PDE7A: variants seen among roughly 807,000 people sequenced by gnomAD.
The protein encoded by PDE7A is high affinity 3',5'-cyclic-AMP phosphodiesterase 7A.
Under a neutral mutation model 64.3 loss-of-function variants are expected in PDE7A, and 39 were observed. That is an observed-to-expected ratio of 0.61 (90% CI 0.47 to 0.79). PDE7A has a LOEUF of 0.79. PDE7A is among the 30% of genes least tolerant of loss of function. The pLI, the probability that PDE7A is intolerant of heterozygous loss-of-function variation, is 0.00. For missense variants in PDE7A, 470 were observed against 582.8 expected, an observed-to-expected ratio of 0.81 and a Z score of 1.99; for synonymous variants, 203 against 206.8, an observed-to-expected ratio of 0.98 and a Z score of 0.16.
At chr8:65,834,320 A>G (rs1054100484) in intron 1 of PDE7A, among the ~76,000 whole-genome samples, 5 of 152,134 alleles carry the variant, frequency 3.3e-5, no homozygotes, top group Admixed American at 6.5e-5. Flanking sequence ...AGCTTGCTTT[A>G]TTGTAAGACA....
intron 3 of PDE7A, among the ~76,000 whole-genome samples, chr8:65,757,777 C>T (rs1212283717): frequency 3.3e-5 from 5 of 152,100 alleles, no homozygotes; most frequent in African/African-American, 1.2e-4. Flanking sequence ...TGCCACCACG[C>T]CCGGCTAACT....
At chr8:65,800,576 T>C (rs1460318019) in intron 1 of PDE7A, among the ~76,000 whole-genome samples, 1 of 152,202 alleles carries the variant, frequency 6.6e-6, no homozygotes, top group Non-Finnish European at 1.5e-5. Context: ...CTTAGCACTC[T>C]GCAGTAAACA....
At position 65,727,263 on chromosome 8, in the gene PDE7A, G is replaced by C; in HGVS notation, c.735C>G (p.Ser245Arg). The C allele has an allele frequency of 6.2e-7, 1 of 1,613,542 alleles. No homozygotes were observed. Among genetic ancestry groups the C allele is most frequent in the East Asian group, 2.2e-5 (1 of 44,864 alleles). Residue 245 changes from serine (S) to arginine (R), a missense_variant, in exon 8 of 13, where the codon AGC (serine) becomes AGG (arginine). By Grantham distance (110) the Ser-to-Arg change is moderately radical. Transcript: ENST00000401827. The part of the protein sequence containing the change: ...NSVTPWDILL[S>R]LIAAATHDLD... ...GATCATGAGTGGCAGCTGCAATTAA[G>C]CTCAGCAAGATATCCCAAGGAGTTA...
intron 3 of PDE7A, among the ~76,000 whole-genome samples, chr8:65,778,334 G>A (rs1207667148): frequency 6.6e-6 from 1 of 152,260 alleles, no homozygotes; most frequent in East Asian, 1.9e-4. Flanking sequence ...TGCCATTTAT[G>A]GAGAGAGAAA....
intron 3 of PDE7A, among the ~76,000 whole-genome samples, chr8:65,778,831 A>T (rs933452652): frequency 6.6e-6 from 1 of 152,238 alleles, no homozygotes; most frequent in African/African-American, 2.4e-5. Context: ...GGTGAGTGAG[A>T]TATTTCAAAG....
chr8:65,817,507 G>A (rs964652027), intron 1 of PDE7A, among the ~76,000 whole-genome samples: 4 of 152,018 alleles, frequency 2.6e-5, no homozygotes, highest in East Asian at 1.9e-4. Flanking sequence ...TTCAATACAC[G>A]ATGCCACATT....
Position 65,841,978 on chromosome 8 carries a change from C to A in PDE7A, c.-470G>T. On this transcript the variant is annotated 5_prime_UTR_variant, in exon 1 of 13. Transcript: ENST00000401827. ...GACCAGCTCGGGCCGCCGCCGCCGC[C>A]GCCGCCGCCGCCGCCGGAGTCCTGC... is the stretch of plus-strand genomic sequence containing the variant. The A allele has an allele frequency of 3.9e-6, 1 of 258,884 alleles. No homozygotes were observed. The highest frequency in any genetic ancestry group is 3.7e-5 in the South Asian group (1 of 26,908). The allele number at this position is 258,884 out of a possible 1,614,324, so 16.0% of individuals were successfully genotyped here.
intron 1 of PDE7A, among the ~76,000 whole-genome samples, chr8:65,788,145 T>A (rs1809610224): frequency 6.6e-6 from 1 of 152,088 alleles, no homozygotes; most frequent in African/African-American, 2.4e-5. Context: ...GCCTTAAAAA[T>A]TCAGTTTCTC....
intron 2 of PDE7A, among the ~76,000 whole-genome samples, chr8:65,782,559 T>C (rs1193357946): frequency 1.3e-5 from 2 of 152,236 alleles, no homozygotes; most frequent in Non-Finnish European, 2.9e-5. Flanking sequence ...AATGACAGTG[T>C]CCCAGTTATT....
At chr8:65,770,033 C>T (rs910842483) in intron 3 of PDE7A, among the ~76,000 whole-genome samples, 8 of 151,914 alleles carry the variant, frequency 5.3e-5, no homozygotes, top group African/African-American at 1.2e-4. Flanking sequence ...AAAACACATA[C>T]AAAAAGTTAC....
rs1806187304 is a variant in PDE7A, at chr8:65,717,442, C to T, written c.*1848G>A. On this transcript the variant is annotated 3_prime_UTR_variant, in exon 13 of 13. Transcript: ENST00000401827. ...TGCTGATGTCTTATGCAGTTCACCA[C>T]TGTAGGAACAAAAGGCCTGGCTCAA... 1 of 152,222 alleles carries T rather than the reference C, an allele frequency of 6.6e-6. No homozygotes were observed. The highest frequency in any genetic ancestry group is 1.5e-5 in the Non-Finnish European group (1 of 68,040). The allele number at this position is 152,222 out of a possible 1,614,324, so 9.4% of individuals were successfully genotyped here. A position where few individuals can be genotyped will look rare whatever the true frequency, so the allele number is the denominator to read the frequency against.
rs551343082 is a variant in PDE7A, at chr8:65,721,783, A to G, written c.1243+1758T>C. ...TACCGATTCACCTGTCTTCGATTCAATTCTCTTTTGTCCATTTTTTTTTTT... is the reference window on the plus strand; with the variant it reads ...TACCGATTCACCTGTCTTCGATTCAGTTCTCTTTTGTCCATTTTTTTTTTT... On this transcript the variant is annotated intron_variant, in intron 12 of 12. Coordinates refer to ENST00000401827, the MANE Select transcript of PDE7A (RefSeq NM_001242318.3). The G allele has an allele frequency of 3.1e-4, 47 of 151,050 alleles. 1 individual carries two copies. Among genetic ancestry groups the G allele is most frequent in the African/African-American group, 8.3e-4 (34 of 41,162 alleles). The allele number at this position is 151,050 out of a possible 1,614,324, so 9.4% of individuals were successfully genotyped here. A position where few individuals can be genotyped will look rare whatever the true frequency, so the allele number is the denominator to read the frequency against.
chr8:65,755,326 T>G (rs891699636), intron 3 of PDE7A, among the ~76,000 whole-genome samples: 1 of 152,170 alleles, frequency 6.6e-6, no homozygotes, highest in Non-Finnish European at 1.5e-5. Context: ...CGGCCCATTA[T>G]TGCCTTTTTA....
rs1585919727 is a variant in PDE7A, at chr8:65,789,041, G to C, written c.139-6198C>G. On this transcript the variant is annotated intron_variant, in intron 1 of 12. Coordinates refer to ENST00000401827, the MANE Select transcript of PDE7A (RefSeq NM_001242318.3). ...AAATACCAGCTGTCCCGAGGCAAAA[G>C]AGAGGGGACACTGACTGCCTTGGAC... is the stretch of plus-strand genomic sequence containing the variant. The C allele has an allele frequency of 1.2e-5, 18 of 1,526,702 alleles. No individual in the cohort carries two copies. The South Asian group carries it at 2.1e-4, about 18-fold the overall frequency. The allele number at this position is 1,526,702 out of a possible 1,614,324, so 94.6% of individuals were successfully genotyped here. A position where few individuals can be genotyped will look rare whatever the true frequency, so the allele number is the denominator to read the frequency against.
At chr8:65,772,752 C>G (rs1809143580) in intron 3 of PDE7A, among the ~76,000 whole-genome samples, 1 of 152,122 alleles carries the variant, frequency 6.6e-6, no homozygotes, top group South Asian at 2.1e-4. Context: ...GCCTGTAATC[C>G]CAGCACTTTG....
At chr8:65,836,324 G>C (rs995452203) in intron 1 of PDE7A, among the ~76,000 whole-genome samples, 4 of 152,196 alleles carry the variant, frequency 2.6e-5, no homozygotes, top group African/African-American at 9.7e-5. Flanking sequence ...AATACAAATA[G>C]CACAAGCAAT....
At chr8:65,796,307 G>A (rs542985073) in intron 1 of PDE7A, among the ~76,000 whole-genome samples, 38 of 151,690 alleles carry the variant, frequency 2.5e-4, no homozygotes, top group African/African-American at 8.2e-4. Flanking sequence ...CAGGTTAAAC[G>A]AACTCCAAAC....
chr8:65,763,336 C>T (rs550028178), intron 3 of PDE7A, among the ~76,000 whole-genome samples: 4 of 152,058 alleles, frequency 2.6e-5, no homozygotes, highest in South Asian at 2.1e-4. Context: ...GAGGCTGAGG[C>T]GGGTGGATCA....
intron 1 of PDE7A, among the ~76,000 whole-genome samples, chr8:65,810,838 G>A (rs1810243284): frequency 6.6e-6 from 1 of 152,088 alleles, no homozygotes; most frequent in African/African-American, 2.4e-5. Context: ...TTATTTGCAG[G>A]TGATTATGAA....
Sources: allele counts gnomAD v4.1 joint callset (sites outside exome capture counted in the v4.1 genomes callset), GRCh38; gene constraint gnomAD v4.1.1; transcripts MANE v1.5; gene names NCBI Gene and HGNC (gene_info 2026-07-23, HGNC 2026-07-21).